FBXO34: variants seen among roughly 807,000 people sequenced by gnomAD.
The protein encoded by FBXO34 is F-box protein 34.
Under a neutral mutation model 24.5 loss-of-function variants are expected in FBXO34, and 12 were observed. The ratio of observed to expected loss-of-function variants is 0.49; its 90% CI spans 0.31 to 0.79. FBXO34 has a LOEUF of 0.79. Ranked by LOEUF, FBXO34 falls within the 30% of genes least tolerant of loss-of-function variation. The probability of loss-of-function intolerance (pLI) is 0.04; values close to 1 mark genes in which losing one functional copy is unlikely to be tolerated. For synonymous variants in FBXO34, 320 were observed against 311.9 expected, an observed-to-expected ratio of 1.03 and a Z score of -0.27; for missense variants, 823 against 857.7, an observed-to-expected ratio of 0.96 and a Z score of 0.51.
chr14:55,305,414 A>C (rs1208606820), intron 1 of FBXO34, among the ~76,000 whole-genome samples: 1 of 129,028 alleles, frequency 7.8e-6, no homozygotes, highest in Non-Finnish European at 1.6e-5. Context: ...ACTGCATCTC[A>C]AAAAAAAAAA....
At chr14:55,376,811 C>T in the FBXO34 span, among the ~76,000 whole-genome samples, 1 of 152,150 alleles carries the variant, frequency 6.6e-6, no homozygotes, top group Non-Finnish European at 1.5e-5. Flanking sequence ...TATGGACAGA[C>T]TGCTAAGAGC....
intron 1 of FBXO34, among the ~76,000 whole-genome samples, chr14:55,335,600 G>A (rs893691118): frequency 4.6e-5 from 7 of 152,126 alleles, no homozygotes; most frequent in Non-Finnish European, 1.0e-4. Context: ...TTGACTGTTT[G>A]TTACATGAGT....
chr14:55,305,339 C>T (rs1445546509), intron 1 of FBXO34, among the ~76,000 whole-genome samples: 4 of 149,780 alleles, frequency 2.7e-5, no homozygotes, highest in African/African-American at 7.4e-5. Flanking sequence ...CACTTGAACC[C>T]GGGAGGTGGG....
At chr14:55,433,668 T>C in the FBXO34 span, 5 of 1,613,972 alleles carry the variant, frequency 3.1e-6, no homozygotes, top group Non-Finnish European at 3.4e-6. Context: ...CAGAGCTAAA[T>C]ATAAGGGCTG....
chr14:55,440,070 A>G, the FBXO34 span, among the ~76,000 whole-genome samples: 1 of 152,042 alleles, frequency 6.6e-6, no homozygotes, highest in Non-Finnish European at 1.5e-5. Context: ...ACTGCACTCC[A>G]GCCTGGGCGA....
At chr14:55,407,414 C>T in the FBXO34 span, among the ~76,000 whole-genome samples, 1 of 152,214 alleles carries the variant, frequency 6.6e-6, no homozygotes, top group Non-Finnish European at 1.5e-5. Flanking sequence ...CAGGCGTGAG[C>T]CACTGCCCCC....
chr14:55,396,555 G>C, the FBXO34 span, among the ~76,000 whole-genome samples: 2 of 152,202 alleles, frequency 1.3e-5, no homozygotes, highest in African/African-American at 4.8e-5. Flanking sequence ...TCAGTGGCCT[G>C]AGCATTAACT....
In FBXO34 at chr14:55,359,307, G is replaced by C. The variant is rs17128433; in HGVS notation, c.*589-2426G>C. The stretch of plus-strand genomic sequence containing the variant: ...ATTTCCTAAAACTTGATGATCCCTA[G>C]GAGGCCCTAAATGCACACCTGGGAA... On this transcript the variant is annotated intron_variant and NMD_transcript_variant, in intron 3 of 3. Coordinates refer to the FBXO34 transcript ENST00000555280. 9.3e-3 allele frequency among the ~76,000 whole-genome samples: 1,416 copies of C among 152,170 alleles called. 32 individuals carry two copies. Among genetic ancestry groups the C allele is most frequent in the African/African-American group, 0.033 (1,366 of 41,516 alleles).
chr14:55,370,647 T>C (rs529330662), downstream of FBXO34, among the ~76,000 whole-genome samples: 1 of 149,360 alleles, frequency 6.7e-6, no homozygotes, highest in African/African-American at 2.5e-5. Context: ...CTGCATTTCT[T>C]TTTTTTTTTA....
the FBXO34 span, chr14:55,435,712 C>A: frequency 3.3e-6 from 2 of 603,620 alleles, no homozygotes; most frequent in Non-Finnish European, 5.7e-6. Flanking sequence ...CAGATATTAA[C>A]CCTGAGTTGC....
rs1296160192 is a variant in FBXO34 at position 55,316,035 on chromosome 14, A to AT, written c.-10-34339dup. 5.3e-5 allele frequency among the ~76,000 whole-genome samples: 8 copies of AT among 150,734 alleles called. No homozygotes were observed. In the East Asian group the frequency reaches 7.8e-4, roughly 15 times the overall value. On this transcript the variant is annotated intron_variant, in intron 1 of 1. Transcript: ENST00000313833. Reference sequence around the variant, plus strand: ...TCTATTGCGTTTTTCATTTCTTTGTATTTTTTTGAGCTTTTCATTTCTACT... The same window carrying AT: ...TCTATTGCGTTTTTCATTTCTTTGTATTTTTTTTGAGCTTTTCATTTCTACT...
At chr14:55,378,459 A>G in the FBXO34 span, among the ~76,000 whole-genome samples, 1 of 152,232 alleles carries the variant, frequency 6.6e-6, no homozygotes, top group Non-Finnish European at 1.5e-5. Context: ...ATGGCAGTCA[A>G]AGGCTTATAA....
the FBXO34 span, chr14:55,436,030 GC>G: frequency 1.4e-6 from 1 of 706,010 alleles, no homozygotes; most frequent in South Asian, 2.2e-5. Context: ...TTATACCTTA[GC>G]AATTTCCTAG....
chr14:55,416,902 T>TC, the FBXO34 span, among the ~76,000 whole-genome samples: 1 of 152,198 alleles, frequency 6.6e-6, no homozygotes, highest in Non-Finnish European at 1.5e-5. Flanking sequence ...TGAACTTCAC[T>TC]CATTTTCCAT....
chr14:55,406,623 A>T, the FBXO34 span, among the ~76,000 whole-genome samples: 1 of 152,206 alleles, frequency 6.6e-6, no homozygotes, highest in Non-Finnish European at 1.5e-5. Flanking sequence ...AGAGCTCATT[A>T]AAAAATATCT....
chr14:55,399,321 C>G, the FBXO34 span, among the ~76,000 whole-genome samples: 1 of 152,224 alleles, frequency 6.6e-6, no homozygotes, highest in Non-Finnish European at 1.5e-5. Context: ...CTGCCATCCA[C>G]ATTCCAACAG....
At chr14:55,390,670 G>A in the FBXO34 span, among the ~76,000 whole-genome samples, 1 of 152,094 alleles carries the variant, frequency 6.6e-6, no homozygotes, top group Non-Finnish European at 1.5e-5. Flanking sequence ...CACGCCTGGC[G>A]CCTAACTTTT....
At chr14:55,298,846 C>T (rs1323872226) in intron 1 of FBXO34, 18 of 1,612,022 alleles carry the variant, frequency 1.1e-5, no homozygotes, top group South Asian at 2.2e-5. Context: ...AAGCAGCTGG[C>T]GCAGATCGAC....
intron 1 of FBXO34, among the ~76,000 whole-genome samples, chr14:55,316,444 T>G (rs61975437): frequency 1.3e-5 from 2 of 149,596 alleles, no homozygotes; most frequent in Non-Finnish European, 1.5e-5. Flanking sequence ...AAAAAAAAAT[T>G]AGCTGGGTGT....
Sources: gnomAD v4.1 joint callset for allele counts (sites outside exome capture counted in the v4.1 genomes callset) on GRCh38, gnomAD v4.1.1 for gene constraint, MANE v1.5 for transcripts, NCBI Gene and HGNC (gene_info 2026-07-23, HGNC 2026-07-21) for gene names.